Variants in MFSD6 observed in about 807,000 individuals in gnomAD.
MFSD6 encodes the protein major facilitator superfamily domain containing 6.
A neutral mutation model predicts 56.3 loss-of-function variants in MFSD6; 26 were observed. The observed-to-expected ratio is 0.46, with a 90% CI of 0.34 to 0.64. The LOEUF (loss-of-function observed/expected upper bound fraction) is 0.64. MFSD6 is among the 30% of genes least tolerant of loss of function. The pLI, the probability that MFSD6 is intolerant of heterozygous loss-of-function variation, is 0.01. For synonymous variants in MFSD6, 331 were observed against 366.9 expected (o/e 0.90, Z 1.12); for missense variants, 750 against 986.2 (o/e 0.76, Z 3.21).
intron 4 of MFSD6, among the ~76,000 whole-genome samples, chr2:190,475,592 C>T (rs1265501734): frequency 1.3e-5 from 2 of 152,144 alleles, no homozygotes; most frequent in Admixed American, 1.3e-4. Context: ...ACATTCCATG[C>T]TCATGGATAG....
At position 190,500,375 on chromosome 2, in the gene MFSD6, G is replaced by A; in HGVS notation, c.*157G>A. On this transcript the variant is annotated 3_prime_UTR_variant, in exon 8 of 8. Coordinates refer to ENST00000392328, the MANE Select transcript of MFSD6 (RefSeq NM_017694.4). The surrounding 1 kb of genome is among the most constrained non-coding windows in gnomAD (Gnocchi z 5.3). ...CATTAACATGGAAACACACACACAG[G>A]AGCTACAGTACATATTGGCAGGAAA... The A allele has an allele frequency of 1.4e-6, 1 of 740,430 alleles. No homozygotes were observed. The highest frequency in any genetic ancestry group is 2.2e-6 in the Non-Finnish European group (1 of 460,382). The allele number at this position is 740,430 out of a possible 1,614,324, so 45.9% of individuals were successfully genotyped here.
In MFSD6 at chr2:190,482,903, T is replaced by TTG. The variant is rs544591315; in HGVS notation, c.1631-5754_1631-5753insTG. 3.3e-3 allele frequency among the ~76,000 whole-genome samples: 282 copies of TTG among 86,224 alleles called. 92 individuals are homozygous for TTG. Among genetic ancestry groups the TTG allele is most frequent in the South Asian group, 6.7e-3 (15 of 2,252 alleles). The allele number at this position is 86,224 out of a possible 152,430, so 56.6% of individuals were successfully genotyped here. A position where few individuals can be genotyped will look rare whatever the true frequency, so the allele number is the denominator to read the frequency against. On this transcript the variant is annotated intron_variant, in intron 4 of 7. Coordinates refer to ENST00000392328, the MANE Select transcript of MFSD6 (RefSeq NM_017694.4). ...TTTTTTTTTTTTTTTTTTTTTTTTT[T>TTG]AGACGGAGTCTCACTCTGTCGCCCA...
rs534289154 is a variant in MFSD6, at chr2:190,471,754, G to A, written c.1630+1899G>A. ...AGCTTTGAAGACAGTAGTTCTCCCA[G>A]GACGCAGCTTGAGATCTGAGAACAG... On this transcript the variant is annotated intron_variant, in intron 4 of 7. Coordinates refer to ENST00000392328, the MANE Select transcript of MFSD6 (RefSeq NM_017694.4). This position sits in a 1 kb window ranked among gnomAD's most constrained non-coding sequence, Gnocchi z 4.7. 1.3e-5 allele frequency among the ~76,000 whole-genome samples: 2 copies of A among 152,326 alleles called. No homozygotes were observed. Among genetic ancestry groups the A allele is most frequent in the African/African-American group, 2.4e-5 (1 of 41,570 alleles).
chr2:190,478,123 G>A (rs909279154), intron 4 of MFSD6, among the ~76,000 whole-genome samples: 1 of 152,162 alleles, frequency 6.6e-6, no homozygotes, highest in Non-Finnish European at 1.5e-5. Flanking sequence ...TTAGGGAGCT[G>A]GCCATGTTCT....
In MFSD6 at chr2:190,416,098, A is replaced by T. The variant is rs564112831; in HGVS notation, c.-54+685A>T. On this transcript the variant is annotated intron_variant, in intron 2 of 7. Coordinates refer to ENST00000392328, the MANE Select transcript of MFSD6 (RefSeq NM_017694.4). The surrounding 1 kb of genome is among the most constrained non-coding windows in gnomAD (Gnocchi z 4.1). ...ATATTATAAATTATGCTATATTGGCACAATATTTAATCAGGAGTCTAAAAC... is the reference window on the plus strand; with the variant it reads ...ATATTATAAATTATGCTATATTGGCTCAATATTTAATCAGGAGTCTAAAAC... 1.7e-4 allele frequency among the ~76,000 whole-genome samples: 26 copies of T among 152,354 alleles called. No individual in the cohort carries two copies. Among genetic ancestry groups the T allele is most frequent in the African/African-American group, 6.3e-4 (26 of 41,574 alleles).
chr2:190,463,682 T>C lies in MFSD6; in HGVS notation c.1533-6076T>C, dbSNP rs1687447829. 6.3e-6 allele frequency: 1 copy of C among 158,368 alleles called. No homozygotes were observed. Among genetic ancestry groups the C allele is most frequent in the Non-Finnish European group, 1.4e-5 (1 of 73,766 alleles). 9.8% of individuals were successfully genotyped at this position (158,368 alleles called of 1,614,324 possible). A position where few individuals can be genotyped will look rare whatever the true frequency, so the allele number is the denominator to read the frequency against. ...CTAAAAATCAAAAGTTAGCTTGGCGTGATGGTGCACACCTGTAGTCCCAGC... is the reference window on the plus strand; with the variant it reads ...CTAAAAATCAAAAGTTAGCTTGGCGCGATGGTGCACACCTGTAGTCCCAGC... On this transcript the variant is annotated intron_variant, in intron 3 of 7. Coordinates refer to ENST00000392328, the MANE Select transcript of MFSD6 (RefSeq NM_017694.4). This position sits in a 1 kb window ranked among gnomAD's most constrained non-coding sequence, Gnocchi z 4.4.
chr2:190,419,144 TG>T (rs904632111), intron 2 of MFSD6, among the ~76,000 whole-genome samples: 1 of 151,950 alleles, frequency 6.6e-6, no homozygotes. Context: ...GCAATCCTGA[TG>T]GAAAAAAAAA....
chr2:190,462,459 T>C lies in MFSD6; in HGVS notation c.1533-7299T>C, dbSNP rs1483247563. On this transcript the variant is annotated intron_variant, in intron 3 of 7. Transcript: ENST00000392328. The surrounding 1 kb of genome is among the most constrained non-coding windows in gnomAD (Gnocchi z 5.7). The stretch of plus-strand genomic sequence containing the variant: ...AGAGTAATGCTTCCTTTTGCCCTCA[T>C]ATTTTATCAGTTTACATAAGATTAT... 6.6e-6 allele frequency among the ~76,000 whole-genome samples: 1 copy of C among 152,220 alleles called. No homozygotes were observed. Among genetic ancestry groups the C allele is most frequent in the African/African-American group, 2.4e-5 (1 of 41,458 alleles).
At chr2:190,446,735 C>T (rs1194734371) in intron 3 of MFSD6, among the ~76,000 whole-genome samples, 1 of 152,190 alleles carries the variant, frequency 6.6e-6, no homozygotes, top group African/African-American at 2.4e-5. Context: ...TGGGTCTGCT[C>T]AACCCAAAAC....
At chr2:190,440,217 G>GT (rs886521370) in intron 3 of MFSD6, among the ~76,000 whole-genome samples, 6 of 152,122 alleles carry the variant, frequency 3.9e-5, no homozygotes, top group African/African-American at 1.2e-4. Flanking sequence ...CCAGAAAATA[G>GT]TTTTTTAAAA....
At chr2:190,479,511 C>G (rs567301943) in intron 4 of MFSD6, among the ~76,000 whole-genome samples, 5 of 152,104 alleles carry the variant, frequency 3.3e-5, no homozygotes, top group Admixed American at 3.3e-4. Context: ...TTGTTTTGTA[C>G]AAAGAACAAT....
Position 190,412,474 on chromosome 2 carries a change from C to T in MFSD6, c.-175-2818C>T. ...CAGAAATCAAGTGCAAAGTCCTACC[C>T]TACTACAAGGCCAGTTTGGGTAAAA... On this transcript the variant is annotated intron_variant, in intron 1 of 7. Transcript: ENST00000392328. This position sits in a 1 kb window ranked among gnomAD's most constrained non-coding sequence, Gnocchi z 4.1. 1 of 985,362 alleles carries T rather than the reference C, an allele frequency of 1.0e-6. No individual in the cohort carries two copies. The highest frequency in any genetic ancestry group is 1.2e-6 in the Non-Finnish European group (1 of 829,904). 61.0% of individuals were successfully genotyped at this position (985,362 alleles called of 1,614,324 possible). A position where few individuals can be genotyped will look rare whatever the true frequency, so the allele number is the denominator to read the frequency against.
chr2:190,477,231 G>C, intron 4 of MFSD6: 1 of 979,458 alleles, frequency 1.0e-6, no homozygotes, highest in Non-Finnish European at 1.2e-6. Flanking sequence ...CATTAAACAG[G>C]AACTGCAGGT....
chr2:190,489,716 C>T lies in MFSD6; in HGVS notation c.1793-52C>T, dbSNP rs1339852544. ...TAGAAAACTGATGGTTTTAGATGAGCGCTATCTGCATTTCTTGGAATTACT... is the reference window on the plus strand; with the variant it reads ...TAGAAAACTGATGGTTTTAGATGAGTGCTATCTGCATTTCTTGGAATTACT... On this transcript the variant is annotated intron_variant, in intron 5 of 7. Coordinates refer to ENST00000392328, the MANE Select transcript of MFSD6 (RefSeq NM_017694.4). This position sits in a 1 kb window ranked among gnomAD's most constrained non-coding sequence, Gnocchi z 6.6. The T allele has an allele frequency of 1.0e-5, 15 of 1,506,836 alleles. 1 individual carries two copies. Among genetic ancestry groups the T allele is most frequent in the East Asian group, 6.8e-5 (3 of 44,058 alleles). The allele number at this position is 1,506,836 out of a possible 1,614,324, so 93.3% of individuals were successfully genotyped here. A position where few individuals can be genotyped will look rare whatever the true frequency, so the allele number is the denominator to read the frequency against.
At position 190,439,560 on chromosome 2, in the gene MFSD6, T is replaced by C. The variant is rs932490417; in HGVS notation, c.1532+1999T>C. ...CAGCATTTTCATGATAAAATCCTAG[T>C]GGGTTTACTACTCCTTTGGTAAGCT... On this transcript the variant is annotated intron_variant, in intron 3 of 7. Coordinates refer to ENST00000392328, the MANE Select transcript of MFSD6 (RefSeq NM_017694.4). The surrounding 1 kb of genome is among the most constrained non-coding windows in gnomAD (Gnocchi z 5.8). Among the ~76,000 whole-genome samples the C allele has an allele frequency of 1.3e-5, 2 of 152,186 alleles. No homozygotes were observed. The highest frequency in any genetic ancestry group is 2.4e-5 in the African/African-American group (1 of 41,454).
chr2:190,463,941 T>G lies in MFSD6; in HGVS notation c.1533-5817T>G. On this transcript the variant is annotated intron_variant, in intron 3 of 7. Transcript: ENST00000392328. This position sits in a 1 kb window ranked among gnomAD's most constrained non-coding sequence, Gnocchi z 4.4. ...AATCCAGTTTATATATGAGGCAGACTGTAGACTGTGCTCCAGGGATCTGGT... is the reference window on the plus strand; with the variant it reads ...AATCCAGTTTATATATGAGGCAGACGGTAGACTGTGCTCCAGGGATCTGGT... 1.0e-6 allele frequency: 1 copy of G among 957,694 alleles called. No homozygotes were observed. The highest frequency in any genetic ancestry group is 1.2e-6 in the Non-Finnish European group (1 of 804,582). 59.3% of individuals were successfully genotyped at this position (957,694 alleles called of 1,614,324 possible).
intron 4 of MFSD6, among the ~76,000 whole-genome samples, chr2:190,479,991 T>C (rs1688567274): frequency 6.6e-6 from 1 of 152,182 alleles, no homozygotes; most frequent in African/African-American, 2.4e-5. Context: ...AGGGAGACCC[T>C]GTCTCTACAA....
At chr2:190,474,263 C>T (rs1480118293) in intron 4 of MFSD6, among the ~76,000 whole-genome samples, 5 of 152,002 alleles carry the variant, frequency 3.3e-5, no homozygotes, top group South Asian at 4.2e-4. Context: ...TTCAAAAAAT[C>T]AATGAATCCA....
chr2:190,423,610 G>A lies in MFSD6; in HGVS notation c.-54+8197G>A, dbSNP rs1685701638. Among the ~76,000 whole-genome samples the A allele has an allele frequency of 6.6e-6, 1 of 152,160 alleles. No homozygotes were observed. The highest frequency in any genetic ancestry group is 6.5e-5 in the Admixed American group (1 of 15,278). On this transcript the variant is annotated intron_variant, in intron 2 of 7. Transcript: ENST00000392328. The surrounding 1 kb of genome is among the most constrained non-coding windows in gnomAD (Gnocchi z 4.3). ...AGCTGCTATAAACATTTATGCATGG[G>A]TTTCTGTGTGAAAATAAGTTTTCAT...
Sources: allele counts gnomAD v4.1 joint callset (sites outside exome capture counted in the v4.1 genomes callset), GRCh38; gene constraint gnomAD v4.1.1; non-coding constraint Gnocchi (gnomAD v3.1); transcripts MANE v1.5; gene names NCBI Gene and HGNC (gene_info 2026-07-23, HGNC 2026-07-21).